CDK17: variants seen among roughly 807,000 people sequenced by gnomAD.
CDK17 encodes cyclin-dependent kinase 17.
In CDK17, 24 loss-of-function variants were observed where a neutral mutation model predicts 77.6. The ratio of observed to expected loss-of-function variants is 0.31; its 90% CI spans 0.22 to 0.44. The LOEUF (loss-of-function observed/expected upper bound fraction) is 0.44. Ranked by LOEUF, CDK17 falls within the 20% of genes least tolerant of loss-of-function variation. The probability of loss-of-function intolerance (pLI) is 1.00; values close to 1 mark genes in which losing one functional copy is unlikely to be tolerated. For synonymous variants in CDK17, 203 were observed against 210.4 expected, an observed-to-expected ratio of 0.96 and a Z score of 0.30; for missense variants, 429 against 622.5, an observed-to-expected ratio of 0.69 and a Z score of 3.31.
Position 96,288,538 on chromosome 12 carries a change from T to C in CDK17, c.1118+629A>G, listed in dbSNP as rs547588569. ...ATGCCATTTTGCTAAAAGGGAACATTTGTGTTGAGAAACAGTCTGAAATAA... is the reference window on the plus strand; with the variant it reads ...ATGCCATTTTGCTAAAAGGGAACATCTGTGTTGAGAAACAGTCTGAAATAA... On this transcript the variant is annotated intron_variant, in intron 11 of 16. Coordinates refer to ENST00000261211, the MANE Select transcript of CDK17 (RefSeq NM_002595.5). Among the ~76,000 whole-genome samples the C allele has an allele frequency of 5.3e-5, 8 of 152,230 alleles. No homozygotes were observed. In the South Asian group the frequency reaches 1.7e-3, roughly 32 times the overall value.
chr12:96,292,839 T>C (rs983799990), intron 10 of CDK17, among the ~76,000 whole-genome samples: 17 of 151,384 alleles, frequency 1.1e-4, no homozygotes, highest in African/African-American at 4.1e-4. Context: ...AAAACCAGAT[T>C]AGCTAAAAAA....
chr12:96,330,724 A>C (rs1366270760), intron 2 of CDK17, among the ~76,000 whole-genome samples: 2 of 152,198 alleles, frequency 1.3e-5, no homozygotes, highest in African/African-American at 4.8e-5. Context: ...CTATGGACAG[A>C]CCACATTCTG....
chr12:96,350,147 C>T (rs1953288501), intron 1 of CDK17, among the ~76,000 whole-genome samples: 1 of 151,964 alleles, frequency 6.6e-6, no homozygotes, highest in Non-Finnish European at 1.5e-5. Flanking sequence ...AAGTATATCC[C>T]ATAGTCATGG....
intron 1 of CDK17, among the ~76,000 whole-genome samples, chr12:96,383,004 A>G (rs948894671): frequency 1.3e-5 from 2 of 152,218 alleles, no homozygotes; most frequent in African/African-American, 4.8e-5. Flanking sequence ...ACAATTATGT[A>G]TCTAGAAAAC....
intron 14 of CDK17, among the ~76,000 whole-genome samples, chr12:96,282,967 G>A (rs893683656): frequency 6.6e-6 from 1 of 151,922 alleles, no homozygotes; most frequent in Non-Finnish European, 1.5e-5. Flanking sequence ...CATTCTTAAC[G>A]ACCTATCCAA....
rs1954239592 is a variant in CDK17 at position 96,400,218 on chromosome 12, A to C, written c.-262T>G. 7.6e-6 allele frequency: 3 copies of C among 394,488 alleles called. No individual in the cohort carries two copies. Among genetic ancestry groups the C allele is most frequent in the Non-Finnish European group, 1.3e-5 (3 of 223,338 alleles). The allele number at this position is 394,488 out of a possible 1,614,324, so 24.4% of individuals were successfully genotyped here. On this transcript the variant is annotated 5_prime_UTR_variant, in exon 1 of 17. Transcript: ENST00000261211. ...TCACGCGTTGCCAAGTCCCTCGGTC[A>C]ACATGGCTCCCGCGCCGACGAGCCG...
At chr12:96,342,801 T>C (rs963069009) in intron 1 of CDK17, among the ~76,000 whole-genome samples, 1 of 151,492 alleles carries the variant, frequency 6.6e-6, no homozygotes, top group East Asian at 2.0e-4. Flanking sequence ...CCGTCTCTAC[T>C]AAAAATATAA....
chr12:96,344,299 A>G (rs898895762), intron 1 of CDK17, among the ~76,000 whole-genome samples: 1 of 152,230 alleles, frequency 6.6e-6, no homozygotes, highest in Non-Finnish European at 1.5e-5. Flanking sequence ...AACGGTGAAA[A>G]GCTTCTCAAA....
At position 96,368,814 on chromosome 12, in the gene CDK17, G is replaced by A. The variant is rs1037705685; in HGVS notation, c.-30+31172C>T. On this transcript the variant is annotated intron_variant, in intron 1 of 16. Transcript: ENST00000261211. ...AAGAAGCTACTCTAAGACGGGGGGGGGGGGGGGGGGCACAATGAATAAGGC... is the reference window on the plus strand; with the variant it reads ...AAGAAGCTACTCTAAGACGGGGGGGAGGGGGGGGGGCACAATGAATAAGGC... 2.7e-4 allele frequency among the ~76,000 whole-genome samples: 20 copies of A among 73,734 alleles called. 1 individual carries two copies. The highest frequency in any genetic ancestry group is 1.2e-3 in the African/African-American group (17 of 14,496). 48.4% of individuals were successfully genotyped at this position (73,734 alleles called of 152,430 possible).
rs2137059190 is a variant in CDK17, at chr12:96,280,813, T to A, written c.1529A>T (p.Glu510Val). 1 of 1,613,970 alleles carries A rather than the reference T, an allele frequency of 6.2e-7. No homozygotes were observed. Residue 510 changes from glutamate to valine, a missense_variant, in exon 16 of 17, where the codon GAG (glutamate) becomes GTG (valine). Glu to Val is a moderately radical substitution (Grantham distance 121). Transcript: ENST00000261211. ...DPGFRNSSYP[E>V]TGHGKNRRQS... Reference sequence around the variant, plus strand: ...ATGGTTTATGACAAACACACCTGTCTCTGGATAAGAAGAATTTCGAAAACC... The same window carrying A: ...ATGGTTTATGACAAACACACCTGTCACTGGATAAGAAGAATTTCGAAAACC...
At position 96,279,411 on chromosome 12, in the gene CDK17, G is replaced by A. The variant is rs543152559; in HGVS notation, c.*831C>T. The A allele has an allele frequency of 3.9e-5, 6 of 152,244 alleles. No individual in the cohort carries two copies. In the East Asian group the frequency reaches 7.7e-4, roughly 20 times the overall value. 9.4% of individuals were successfully genotyped at this position (152,244 alleles called of 1,614,324 possible). A position where few individuals can be genotyped will look rare whatever the true frequency, so the allele number is the denominator to read the frequency against. On this transcript the variant is annotated 3_prime_UTR_variant, in exon 17 of 17. Coordinates refer to ENST00000261211, the MANE Select transcript of CDK17 (RefSeq NM_002595.5). ...AAACAAACAAAGCAAGACCTTTCGC[G>A]TTTGAACAGACTTCTACGGTTAAGT...
At chr12:96,282,045 T>A (rs981429054) in intron 15 of CDK17, 1 of 152,750 alleles carries the variant, frequency 6.5e-6, no homozygotes, top group African/African-American at 2.4e-5. Flanking sequence ...TGCTCACTGC[T>A]GTCATGGGGA....
intron 5 of CDK17, among the ~76,000 whole-genome samples, chr12:96,307,360 A>G (rs1407600090): frequency 6.6e-6 from 1 of 152,180 alleles, no homozygotes; most frequent in Admixed American, 6.5e-5. Flanking sequence ...ATCACTTAGC[A>G]TTCATTAGAG....
chr12:96,306,181 A>C (rs1952575103), intron 5 of CDK17, among the ~76,000 whole-genome samples: 1 of 152,188 alleles, frequency 6.6e-6, no homozygotes, highest in African/African-American at 2.4e-5. Flanking sequence ...CTACTGTATA[A>C]CTTTCTCCAG....
chr12:96,382,757 AGC>A (rs1464524146), intron 1 of CDK17, among the ~76,000 whole-genome samples: 1 of 152,146 alleles, frequency 6.6e-6, no homozygotes, highest in Non-Finnish European at 1.5e-5. Context: ...AAAAACAAAA[AGC>A]ATATCATCTT....
intron 2 of CDK17, among the ~76,000 whole-genome samples, chr12:96,331,175 T>G (rs1455028489): frequency 1.3e-5 from 2 of 152,168 alleles, no homozygotes; most frequent in Non-Finnish European, 2.9e-5. Context: ...ACTCCTTACC[T>G]CCAGTGATCT....
chr12:96,348,510 C>T (rs541376591), intron 1 of CDK17, among the ~76,000 whole-genome samples: 8 of 117,082 alleles, frequency 6.8e-5, no homozygotes, highest in African/African-American at 2.7e-4. Context: ...GGCAACACAG[C>T]GAGACTCTGT....
intron 1 of CDK17, among the ~76,000 whole-genome samples, chr12:96,378,844 T>C (rs1953830412): frequency 6.6e-6 from 1 of 152,194 alleles, no homozygotes; most frequent in African/African-American, 2.4e-5. Flanking sequence ...ACACATTTGT[T>C]TGTAACTACA....
At chr12:96,380,018 A>G (rs1162825432) in intron 1 of CDK17, among the ~76,000 whole-genome samples, 2 of 151,552 alleles carry the variant, frequency 1.3e-5, no homozygotes, top group African/African-American at 4.8e-5. Flanking sequence ...AAAATACAAA[A>G]ATTAGCTGTG....
Sources: gnomAD v4.1 joint callset for allele counts (sites outside exome capture counted in the v4.1 genomes callset) on GRCh38, gnomAD v4.1.1 for gene constraint, MANE v1.5 for transcripts, NCBI Gene and HGNC (gene_info 2026-07-23, HGNC 2026-07-21) for gene names.